CDH3: variants seen among roughly 807,000 people sequenced by gnomAD.
CDH3 encodes cadherin 3, also known as cadherin-3.
In CDH3, 54 loss-of-function variants were observed where a neutral mutation model predicts 82.0. That is an observed-to-expected ratio of 0.66 (90% CI 0.53 to 0.83). The LOEUF (loss-of-function observed/expected upper bound fraction) is 0.83. CDH3 is among the 40% of genes least tolerant of loss of function. CDH3 has a pLI of 0.00. For missense variants in CDH3, 1,054 were observed against 1,084.6 expected (o/e 0.97, Z 0.40); for synonymous variants, 446 against 437.9 (o/e 1.02, Z -0.23).
intron 7 of CDH3, among the ~76,000 whole-genome samples, chr16:68,680,630 G>C (rs535390049): frequency 6.6e-6 from 1 of 152,314 alleles, no homozygotes; most frequent in East Asian, 1.9e-4. Flanking sequence ...AGTGAGCCAA[G>C]ATCACGCCAC....
At position 68,707,706 on chromosome 16, in the gene CDH3, C is replaced by T. The variant is rs191579327; in HGVS notation, c.99+11783C>T. ...AGTGTTTAGCGCTGAGCCTGCAGTGCAGTTGGGGATCGCCAGGTGGTCACT... is the reference window on the plus strand; with the variant it reads ...AGTGTTTAGCGCTGAGCCTGCAGTGTAGTTGGGGATCGCCAGGTGGTCACT... On this transcript the variant is annotated intron_variant, in intron 1 of 2. Coordinates refer to the CDH3 transcript ENST00000569080. The surrounding 1 kb of genome is among the most constrained non-coding windows in gnomAD (Gnocchi z 4.5). Among the ~76,000 whole-genome samples the T allele has an allele frequency of 2.0e-4, 31 of 152,240 alleles. No homozygotes were observed. Among genetic ancestry groups the T allele is most frequent in the Admixed American group, 7.9e-4 (12 of 15,286 alleles).
intron 2 of CDH3, among the ~76,000 whole-genome samples, chr16:68,658,215 G>A (rs569127029): frequency 2.6e-4 from 39 of 151,932 alleles, no homozygotes; most frequent in African/African-American, 3.9e-4. Flanking sequence ...ATTTTATAGA[G>A]AAGCTAGAAC....
intron 2 of CDH3, chr16:68,646,106 G>A (rs1002491513): frequency 2.2e-5 from 7 of 312,576 alleles, no homozygotes; most frequent in Non-Finnish European, 3.6e-5. Context: ...CCGCGCGCAG[G>A]TGTGGGGATG....
intron 2 of CDH3, among the ~76,000 whole-genome samples, chr16:68,655,156 T>C (rs1960380320): frequency 6.6e-6 from 1 of 152,086 alleles, no homozygotes; most frequent in Admixed American, 6.5e-5. Context: ...GGATTACAGG[T>C]GTGAGCCACT....
intron 2 of CDH3, among the ~76,000 whole-genome samples, chr16:68,668,265 A>T (rs553421377): frequency 6.6e-6 from 1 of 152,314 alleles, no homozygotes; most frequent in South Asian, 2.1e-4. Flanking sequence ...GTTTGATGCA[A>T]GCCCATTCAT....
intron 1 of CDH3, among the ~76,000 whole-genome samples, chr16:68,710,121 G>T (rs1435343335): frequency 6.6e-6 from 1 of 152,246 alleles, no homozygotes. Flanking sequence ...GGGCGGGAAG[G>T]AGGGGAAGTG....
Position 68,678,558 on chromosome 16 carries a change from G to A in CDH3, c.448G>A (p.Ala150Thr), listed in dbSNP as rs148231483. The change falls in exon 5 of 16, where the codon GCA (alanine) becomes ACA (threonine). Residue 150 changes from alanine (A) to threonine (T), a missense_variant. By Grantham distance (58) the Ala-to-Thr change is moderately conservative (BLOSUM62 0). Transcript: ENST00000264012. ...KIFYSITGPG[A>T]DSPPEGVFAV... ...TTTCTACAGCATCACGGGGCCGGGGGCAGACAGCCCCCCTGAGGGTGTCTT... is the reference window on the plus strand; with the variant it reads ...TTTCTACAGCATCACGGGGCCGGGGACAGACAGCCCCCCTGAGGGTGTCTT... The A allele has an allele frequency of 1.4e-4, 230 of 1,614,126 alleles. No homozygotes were observed. Among genetic ancestry groups the A allele is most frequent in the Non-Finnish European group, 1.9e-4 (224 of 1,180,048 alleles).
In CDH3 at chr16:68,679,839, T is replaced by A. The variant is rs773999472; in HGVS notation, c.732T>A (p.Asp244Glu). The A allele has an allele frequency of 4.3e-6, 7 of 1,612,920 alleles. No homozygotes were observed. In the African/African-American group the frequency reaches 9.4e-5, roughly 22 times the overall value. ...VMQVTATDED[D>E]AIYTYNGVVA... is the part of the protein sequence containing the mutation. ...AGGTGACAGCCACGGATGAGGATGATGCCATCTACACCTACAATGGGGTGG... is the reference window on the plus strand; with the variant it reads ...AGGTGACAGCCACGGATGAGGATGAAGCCATCTACACCTACAATGGGGTGG... Residue 244 changes from aspartate (D) to glutamate (E), a missense_variant, in exon 7 of 16, where the codon GAT becomes GAA. Coordinates refer to ENST00000264012, the MANE Select transcript of CDH3 (RefSeq NM_001793.6).
intron 11 of CDH3, chr16:68,686,535 C>A: frequency 1.7e-6 from 2 of 1,160,512 alleles, no homozygotes; most frequent in Non-Finnish European, 2.6e-6. Context: ...GGATCGGATT[C>A]TAAAGGAAAG....
In CDH3 at chr16:68,670,998, G is replaced by A. The variant is rs576463234; in HGVS notation, c.161-5387G>A. On this transcript the variant is annotated intron_variant, in intron 2 of 15. Coordinates refer to ENST00000264012, the MANE Select transcript of CDH3 (RefSeq NM_001793.6). ...TGAGGCAAGAGAATCGCTTGAGCCC[G>A]GGAGGTGGAGGTTGCAGTAAGCTGA... Among the ~76,000 whole-genome samples, 6 of 152,174 alleles carry A rather than the reference G, an allele frequency of 3.9e-5. No homozygotes were observed. The East Asian group carries it at 5.8e-4, about 15-fold the overall frequency.
chr16:68,666,102 C>T (rs1307902817), intron 2 of CDH3, among the ~76,000 whole-genome samples: 4 of 151,890 alleles, frequency 2.6e-5, no homozygotes, highest in Non-Finnish European at 4.4e-5. Flanking sequence ...GCAGAGGGCC[C>T]GAGTCTGAAT....
In CDH3 at chr16:68,685,452, G is replaced by A. The variant is rs549663218; in HGVS notation, c.1570+102G>A. 8.7e-5 allele frequency: 114 copies of A among 1,315,650 alleles called. 1 individual carries two copies. In the South Asian group the frequency reaches 1.3e-3, roughly 15 times the overall value. The allele number at this position is 1,315,650 out of a possible 1,614,324, so 81.5% of individuals were successfully genotyped here. A position where few individuals can be genotyped will look rare whatever the true frequency, so the allele number is the denominator to read the frequency against. On this transcript the variant is annotated intron_variant, in intron 11 of 15. Coordinates refer to ENST00000264012, the MANE Select transcript of CDH3 (RefSeq NM_001793.6). Reference sequence around the variant, plus strand: ...CTCCACAGGTGGGAACATGTGTCGAGGAGGGCTATTTGCAAACCAATCCAG... The same window carrying A: ...CTCCACAGGTGGGAACATGTGTCGAAGAGGGCTATTTGCAAACCAATCCAG...
Position 68,678,869 on chromosome 16 carries a change from C to T in CDH3, c.654C>T (p.Asp218=), listed in dbSNP as rs763136509. Residue 218 remains aspartate, a synonymous_variant, in exon 6 of 16, where the codon GAC becomes GAT. Coordinates refer to ENST00000264012, the MANE Select transcript of CDH3 (RefSeq NM_001793.6). ...ACCACAAGCCCAAGTTTACCCAGGACACCTTCCGAGGGAGTGTCTTAGAGG... is the reference window on the plus strand; with the variant it reads ...ACCACAAGCCCAAGTTTACCCAGGATACCTTCCGAGGGAGTGTCTTAGAGG... ...QNDHKPKFTQ[D]TFRGSVLEGV... is the part of the protein sequence containing the mutation. 79 of 1,613,948 alleles carry T rather than the reference C, an allele frequency of 4.9e-5. No individual in the cohort carries two copies. Among genetic ancestry groups the T allele is most frequent in the Non-Finnish European group, 6.4e-5 (75 of 1,180,034 alleles).
At chr16:68,690,029 T>A (rs1279030981) in intron 12 of CDH3, among the ~76,000 whole-genome samples, 1 of 152,192 alleles carries the variant, frequency 6.6e-6, no homozygotes, top group African/African-American at 2.4e-5. Context: ...AAGAGGCCAC[T>A]GATATTATGT....
intron 2 of CDH3, chr16:68,651,370 G>A (rs552387061): frequency 4.1e-5 from 23 of 554,410 alleles, no homozygotes; most frequent in Middle Eastern, 3.2e-4. Flanking sequence ...GGCAGGATAT[G>A]GTTCTTGGGG....
At chr16:68,721,247 T>TTTTTTTTTTTTG (rs1962160929) in intron 1 of CDH3, among the ~76,000 whole-genome samples, 1 of 131,992 alleles carries the variant, frequency 7.6e-6, no homozygotes, top group Non-Finnish European at 1.7e-5. Flanking sequence ...TTTTTTTTTT[T>TTTTTTTTTTTTG]TTGAGATGGA....
At position 68,678,503 on chromosome 16, in the gene CDH3, C is replaced by G; in HGVS notation, c.393C>G (p.Leu131=). 3 of 1,614,186 alleles carry G rather than the reference C, an allele frequency of 1.9e-6. No homozygotes were observed. The highest frequency in any genetic ancestry group is 2.5e-6 in the Non-Finnish European group (3 of 1,180,038). Residue 131 remains leucine, a splice_region_variant and synonymous_variant, in exon 5 of 16, where the codon CTC becomes CTG. Transcript: ENST00000264012. ...KGPFPQRLNQ[L]KSNKDRDTKI... is the part of the protein sequence containing the mutation. The stretch of plus-strand genomic sequence containing the variant: ...CTGCCATTTTCTTTTCCCTCCAGCT[C>G]AAGTCTAATAAAGATAGAGACACCA...
At chr16:68,691,481 A>G (rs1961571688) in intron 12 of CDH3, among the ~76,000 whole-genome samples, 1 of 152,208 alleles carries the variant, frequency 6.6e-6, no homozygotes, top group Non-Finnish European at 1.5e-5. Context: ...TACTGTGATT[A>G]TTGATTTTTT....
intron 9 of CDH3, among the ~76,000 whole-genome samples, chr16:68,684,136 T>TGG (rs1961325632): frequency 6.8e-6 from 1 of 146,084 alleles, no homozygotes; most frequent in Non-Finnish European, 1.5e-5. Context: ...GAGGCTGAAG[T>TGG]GGGAAGATAG....
Sources: allele counts gnomAD v4.1 joint callset (sites outside exome capture counted in the v4.1 genomes callset), GRCh38; gene constraint gnomAD v4.1.1; non-coding constraint Gnocchi (gnomAD v3.1); transcripts MANE v1.5; gene names NCBI Gene and HGNC (gene_info 2026-07-23, HGNC 2026-07-21).